Variants in SLC71A1 observed in about 807,000 individuals in gnomAD.
SLC71A1 encodes the protein solute carrier family 71 member 1, also known as hippocampus abundant gene transcript 1.
chr1:100,048,207 G>A, the SLC71A1 span, among the ~76,000 whole-genome samples: 1 of 138,078 alleles, frequency 7.2e-6, no homozygotes. Context: ...TTTTTTTTCA[G>A]AGTCTCTGTC....
the SLC71A1 span, chr1:100,077,120 C>CT: frequency 5.3e-6 from 5 of 950,354 alleles, no homozygotes; most frequent in Admixed American, 7.3e-5. Flanking sequence ...AAAGAAGTCA[C>CT]TTTTTAAAAC....
At chr1:100,051,458 G>GTTTTTTTTTTTTTTT in the SLC71A1 span, among the ~76,000 whole-genome samples, 1 of 134,016 alleles carries the variant, frequency 7.5e-6, no homozygotes, top group Non-Finnish European at 1.6e-5. Flanking sequence ...ATATCAGAGG[G>GTTTTTTTTTTTTTTT]TTTTTTTTTT....
chr1:100,069,351 A>G, the SLC71A1 span, among the ~76,000 whole-genome samples: 1 of 152,228 alleles, frequency 6.6e-6, no homozygotes, highest in African/African-American at 2.4e-5. Context: ...AAATACTGCA[A>G]TATTTATTTG....
the SLC71A1 span, chr1:100,060,085 T>G: frequency 7.5e-7 from 1 of 1,336,470 alleles, no homozygotes; most frequent in Non-Finnish European, 1.0e-6. Flanking sequence ...TTCTTTCACT[T>G]GTGCCATCTT....
the SLC71A1 span, among the ~76,000 whole-genome samples, chr1:100,058,904 T>G: frequency 2.0e-5 from 3 of 152,134 alleles, no homozygotes; most frequent in African/African-American, 7.2e-5. Context: ...TAATACTTTC[T>G]AGACTTGAGT....
the SLC71A1 span, among the ~76,000 whole-genome samples, chr1:100,064,950 G>A: frequency 6.6e-6 from 1 of 151,986 alleles, no homozygotes; most frequent in Non-Finnish European, 1.5e-5. Flanking sequence ...CAGTGGTGCC[G>A]TTACAGCTCA....
At chr1:100,070,747 GCTTT>G in the SLC71A1 span, among the ~76,000 whole-genome samples, 1 of 151,786 alleles carries the variant, frequency 6.6e-6, no homozygotes, top group Non-Finnish European at 1.5e-5. Context: ...TTGCTATTTG[GCTTT>G]CTGTTTCTAA....
chr1:100,049,868 T>A, the SLC71A1 span: 96 of 1,004,952 alleles, frequency 9.6e-5, no homozygotes, highest in African/African-American at 3.3e-5. Flanking sequence ...GAATGTACTG[T>A]TAACTTTTTT....
the SLC71A1 span, among the ~76,000 whole-genome samples, chr1:100,073,689 G>A: frequency 6.6e-6 from 1 of 152,166 alleles, no homozygotes; most frequent in Non-Finnish European, 1.5e-5. Flanking sequence ...TGGATACTTT[G>A]ACTTACTCAC....
the SLC71A1 span, chr1:100,078,619 T>G: frequency 1.1e-5 from 12 of 1,087,502 alleles, 1 homozygote; most frequent in African/African-American, 1.5e-4. Flanking sequence ...CTGTCTCCTA[T>G]GTACTGAAAC....
At chr1:100,066,199 G>A in the SLC71A1 span, among the ~76,000 whole-genome samples, 2 of 152,266 alleles carry the variant, frequency 1.3e-5, no homozygotes, top group South Asian at 4.2e-4. Flanking sequence ...CAACTAAAAA[G>A]ATTACCAAGC....
the SLC71A1 span, among the ~76,000 whole-genome samples, chr1:100,065,726 C>A: frequency 6.0e-5 from 9 of 149,082 alleles, no homozygotes; most frequent in Non-Finnish European, 1.0e-4. Context: ...CCTTTTTTAA[C>A]CCTTTCCTTC....
chr1:100,068,293 G>T, the SLC71A1 span: 1 of 1,063,198 alleles, frequency 9.4e-7, no homozygotes, highest in South Asian at 1.6e-5. Context: ...AAAACATCTT[G>T]GGTTTTTCTT....
the SLC71A1 span, among the ~76,000 whole-genome samples, chr1:100,047,754 A>G: frequency 6.6e-6 from 1 of 152,028 alleles, no homozygotes; most frequent in African/African-American, 2.4e-5. Flanking sequence ...CTCCTTCCTG[A>G]AGGAGGTTTG....
the SLC71A1 span, chr1:100,082,821 A>T: frequency 3.3e-5 from 5 of 152,490 alleles, no homozygotes; most frequent in African/African-American, 1.2e-4. Context: ...TTTTGAAGTG[A>T]GAAAGTATCA....
the SLC71A1 span, among the ~76,000 whole-genome samples, chr1:100,049,471 G>A: frequency 6.6e-6 from 1 of 152,204 alleles, no homozygotes; most frequent in Admixed American, 6.5e-5. Context: ...TTGAGTACCT[G>A]TAGCTTGTCT....
chr1:100,047,990 T>C, the SLC71A1 span, among the ~76,000 whole-genome samples: 1 of 152,216 alleles, frequency 6.6e-6, no homozygotes, highest in South Asian at 2.1e-4. Flanking sequence ...AAATTTTATT[T>C]ACATTGAGGT....
chr1:100,068,469 C>G, the SLC71A1 span: 1 of 1,579,910 alleles, frequency 6.3e-7, no homozygotes, highest in East Asian at 2.2e-5. Flanking sequence ...TTTTCTTGTT[C>G]TAGTCCTTAA....
chr1:100,069,497 G>C, the SLC71A1 span: 1 of 643,444 alleles, frequency 1.6e-6, no homozygotes, highest in Non-Finnish European at 2.7e-6. Flanking sequence ...GTTTATAAAT[G>C]AATTACATTT....
Sources: allele counts gnomAD v4.1 joint callset (sites outside exome capture counted in the v4.1 genomes callset), GRCh38; gene constraint gnomAD v4.1.1; transcripts MANE v1.5; gene names NCBI Gene and HGNC (gene_info 2026-07-23, HGNC 2026-07-21).